The following TBC1D30 variants were observed in gnomAD, a reference collection of about 807,000 sequenced individuals.
TBC1D30 encodes TBC1 domain family, member 30.
A neutral mutation model predicts 63.2 loss-of-function variants in TBC1D30; 31 were observed. The observed-to-expected ratio is 0.49, with a 90% CI of 0.37 to 0.66. The LOEUF (loss-of-function observed/expected upper bound fraction) is 0.66, where lower values mean the gene tolerates loss of function less well. Ranked by LOEUF, TBC1D30 falls within the 30% of genes least tolerant of loss-of-function variation. TBC1D30 has a pLI of 0.00. For synonymous variants in TBC1D30, 307 were observed against 361.5 expected, an observed-to-expected ratio of 0.85 and a Z score of 1.71; for missense variants, 810 against 953.6, an observed-to-expected ratio of 0.85 and a Z score of 1.98.
chr12:64,842,020 A>C (rs557026322), intron 7 of TBC1D30, among the ~76,000 whole-genome samples: 2 of 152,296 alleles, frequency 1.3e-5, no homozygotes, highest in Non-Finnish European at 2.9e-5. Flanking sequence ...GGTTGGTGGG[A>C]AACTAGAGTT....
intron 2 of TBC1D30, among the ~76,000 whole-genome samples, chr12:64,793,465 G>T (rs1019887855): frequency 7.5e-6 from 1 of 133,864 alleles, no homozygotes; most frequent in Non-Finnish European, 1.6e-5. Flanking sequence ...CCAACATGGT[G>T]AAACCCCGTC....
At chr12:64,815,970 GT>G (rs1247689305) in intron 2 of TBC1D30, among the ~76,000 whole-genome samples, 1 of 151,430 alleles carries the variant, frequency 6.6e-6, no homozygotes, top group East Asian at 1.9e-4. Flanking sequence ...TAGAGACAGC[GT>G]TTTGTCATGT....
At chr12:64,824,023 C>T (rs1874062635), upstream of TBC1D30, among the ~76,000 whole-genome samples, 4 of 150,018 alleles carry the variant, frequency 2.7e-5, no homozygotes, top group South Asian at 8.4e-4. Context: ...TTCTTTCATC[C>T]ATTTTAATGG....
Position 64,824,761 on chromosome 12 carries a change from C to T in TBC1D30, c.-119C>T, listed in dbSNP as rs888984479. 2 of 1,353,962 alleles carry T rather than the reference C, an allele frequency of 1.5e-6. No individual in the cohort carries two copies. The highest frequency in any genetic ancestry group is 2.0e-6 in the Non-Finnish European group (2 of 1,023,036). 83.9% of individuals were successfully genotyped at this position (1,353,962 alleles called of 1,614,324 possible). On this transcript the variant is annotated 5_prime_UTR_variant, in exon 1 of 12. Transcript: ENST00000539867. Reference sequence around the variant, plus strand: ...GCACCAGCCGGCTGTGCGCTCCCTGCTCCCACGGGCCGGTCAGCCGCAGAC... The same window carrying T: ...GCACCAGCCGGCTGTGCGCTCCCTGTTCCCACGGGCCGGTCAGCCGCAGAC...
Position 64,876,121 on chromosome 12 carries a change from C to CT in TBC1D30, c.*335dup, listed in dbSNP as rs1312984329. On this transcript the variant is annotated 3_prime_UTR_variant, in exon 12 of 12. Transcript: ENST00000539867. ...TCGTCCATCCTTCTGTTCTGGGGGCCTTCAGAGTCCCTGTGACAGCACCCC... is the reference window on the plus strand; with the variant it reads ...TCGTCCATCCTTCTGTTCTGGGGGCCTTTCAGAGTCCCTGTGACAGCACCCC... 2 of 223,946 alleles carry CT rather than the reference C, an allele frequency of 8.9e-6. No homozygotes were observed. The highest frequency in any genetic ancestry group is 1.7e-5 in the Non-Finnish European group (2 of 114,698). The allele number at this position is 223,946 out of a possible 1,614,324, so 13.9% of individuals were successfully genotyped here.
At chr12:64,799,722 C>G (rs1872494553) in intron 2 of TBC1D30, among the ~76,000 whole-genome samples, 1 of 152,204 alleles carries the variant, frequency 6.6e-6, no homozygotes, top group Admixed American at 6.5e-5. Context: ...ATCTGATGGT[C>G]AGCCTTGTGT....
chr12:64,830,598 C>T, intron 4 of TBC1D30, 96 bp downstream of exon 4: 1 of 1,174,130 alleles, frequency 8.5e-7, no homozygotes, highest in Non-Finnish European at 1.1e-6. Context: ...TCTCTACCTT[C>T]TGGTTTGAAT....
intron 11 of TBC1D30, among the ~76,000 whole-genome samples, chr12:64,872,094 C>A (rs2136480170): frequency 6.6e-6 from 1 of 152,332 alleles, no homozygotes; most frequent in East Asian, 1.9e-4. Flanking sequence ...GTGGTGCAAT[C>A]TCAGCTCACT....
intron 1 of TBC1D30, among the ~76,000 whole-genome samples, chr12:64,765,490 C>CAAA (rs60489979): frequency 0.19 from 3,253 of 17,556 alleles, 923 homozygotes; most frequent in East Asian, 0.26. Flanking sequence ...AGACTGTCTC[C>CAAA]AAAAAAAAAA....
chr12:64,880,241 A>G lies in TBC1D30; in HGVS notation c.*4453A>G, dbSNP rs893127002. 2 of 152,242 alleles carry G rather than the reference A, an allele frequency of 1.3e-5. No individual in the cohort carries two copies. Among genetic ancestry groups the G allele is most frequent in the African/African-American group, 4.8e-5 (2 of 41,444 alleles). The allele number at this position is 152,242 out of a possible 1,614,324, so 9.4% of individuals were successfully genotyped here. On this transcript the variant is annotated 3_prime_UTR_variant, in exon 12 of 12. Transcript: ENST00000539867. ...TCTTCCACAAAGGCAGCCAGTGCTCACCTGAATGGGGACTGGTACTGTAGG... is the reference window on the plus strand; with the variant it reads ...TCTTCCACAAAGGCAGCCAGTGCTCGCCTGAATGGGGACTGGTACTGTAGG...
At position 64,832,372 on chromosome 12, in the gene TBC1D30, C is replaced by T. The variant is rs1387205723; in HGVS notation, c.594+68C>T. ...GAGTGAGAAATTGGAACCATAATTT[C>T]TCTTCCTTGATGTCTCATCCTTTTC... On this transcript the variant is annotated intron_variant, in intron 5 of 11. Transcript: ENST00000539867. 3.5e-6 allele frequency: 5 copies of T among 1,437,336 alleles called. No homozygotes were observed. In the East Asian group the frequency reaches 1.2e-4, roughly 36 times the overall value. 89.0% of individuals were successfully genotyped at this position (1,437,336 alleles called of 1,614,324 possible).
At chr12:64,825,329 G>A in intron 1 of TBC1D30, 1 of 378,606 alleles carries the variant, frequency 2.6e-6, no homozygotes, top group Non-Finnish European at 4.7e-6. Flanking sequence ...GCGTGGCGGG[G>A]AAGTGCGGGT....
At chr12:64,772,237 CAAAA>C (rs747871090) in intron 1 of TBC1D30, among the ~76,000 whole-genome samples, 1 of 49,312 alleles carries the variant, frequency 2.0e-5, no homozygotes. Context: ...AACTCTGTCT[CAAAA>C]AAAAAAAAAA....
At chr12:64,809,763 T>C (rs1873099731) in intron 2 of TBC1D30, among the ~76,000 whole-genome samples, 1 of 152,348 alleles carries the variant, frequency 6.6e-6, no homozygotes, top group Non-Finnish European at 1.5e-5. Flanking sequence ...GTGCTCTGCT[T>C]CTTGTTTGTG....
In TBC1D30 at chr12:64,832,223, T is replaced by C. The variant is rs185356906; in HGVS notation, c.513T>C (p.Thr171=). ...TGGCCTATGCCCGATGGAACAAAAC[T>C]GTTGGGTACTGCCAAGGCTTTAACA... ...VLLAYARWNK[T]VGYCQGFNIL... Residue 171 remains threonine (T), a synonymous_variant, in exon 5 of 12, where the codon ACT becomes ACC. Transcript: ENST00000539867. The C allele has an allele frequency of 5.6e-4, 855 of 1,536,138 alleles. 2 individuals are homozygous for C. In the African/African-American group the frequency reaches 0.011, roughly 19 times the overall value.
chr12:64,851,897 T>C (rs1041037164), intron 8 of TBC1D30, among the ~76,000 whole-genome samples: 1 of 152,234 alleles, frequency 6.6e-6, no homozygotes, highest in Non-Finnish European at 1.5e-5. Context: ...CCACTGTTAG[T>C]CTGATGGGCT....
chr12:64,780,267 C>A (rs924199888), upstream of TBC1D30, among the ~76,000 whole-genome samples: 1 of 152,174 alleles, frequency 6.6e-6, no homozygotes, highest in Non-Finnish European at 1.5e-5. Flanking sequence ...GCGCTCAGAT[C>A]AGGTGGGAAA....
chr12:64,824,589 C>T (rs1874120077), upstream of TBC1D30: 1 of 336,440 alleles, frequency 3.0e-6, no homozygotes, highest in African/African-American at 2.1e-5. Context: ...CTCCGTCTCC[C>T]ACGCGCTCGC....
chr12:64,806,599 G>C (rs1471627343), intron 2 of TBC1D30, among the ~76,000 whole-genome samples: 3 of 152,200 alleles, frequency 2.0e-5, no homozygotes, highest in Non-Finnish European at 4.4e-5. Context: ...TGGGGGAGCT[G>C]CTATGGAAAA....
Sources: allele counts gnomAD v4.1 joint callset (sites outside exome capture counted in the v4.1 genomes callset), GRCh38; gene constraint gnomAD v4.1.1; transcripts MANE v1.5; gene names NCBI Gene and HGNC (gene_info 2026-07-23, HGNC 2026-07-21).